The following GNAS variants were observed in gnomAD, a reference collection of about 807,000 sequenced individuals.
The protein encoded by GNAS is GNAS complex locus, also known as protein ALEX.
In GNAS, 8 loss-of-function variants were observed where a neutral mutation model predicts 54.5. The observed-to-expected ratio is 0.15, with a 90% CI of 0.09 to 0.26. The LOEUF (loss-of-function observed/expected upper bound fraction) is 0.26, where lower values mean the gene tolerates loss of function less well. GNAS is among the 10% of genes least tolerant of loss of function. The pLI is 1.00. For synonymous variants in GNAS, 204 were observed against 191.4 expected (o/e 1.07, Z -0.54); for missense variants, 170 against 529.8 (o/e 0.32, Z 6.67).
intron 1 of GNAS, among the ~76,000 whole-genome samples, chr20:58,851,153 G>A (rs925171039): frequency 1.3e-5 from 2 of 152,234 alleles, no homozygotes; most frequent in Non-Finnish European, 2.9e-5. Flanking sequence ...GACCCATAGA[G>A]CTAAAGCGAT....
intron 1 of GNAS, among the ~76,000 whole-genome samples, chr20:58,844,744 C>G (rs1311010114): frequency 1.3e-5 from 2 of 151,740 alleles, no homozygotes; most frequent in African/African-American, 4.8e-5. Flanking sequence ...AAAGCACCAG[C>G]TAGGTATCGC....
chr20:58,853,857 C>T lies in GNAS; in HGVS notation c.43+12971C>T. On this transcript the variant is annotated intron_variant, in intron 1 of 12. Transcript: ENST00000306090. The surrounding 1 kb of genome is among the most constrained non-coding windows in gnomAD (Gnocchi z 4.4). ...AGGTGCTGCAGGGGTCCCCGGAGCT[C>T]CTCCCGAGGAGCCCCAAGCCCTCAG... 6.3e-7 allele frequency: 1 copy of T among 1,594,452 alleles called. No homozygotes were observed. The highest frequency in any genetic ancestry group is 8.5e-7 in the Non-Finnish European group (1 of 1,171,162).
chr20:58,841,402 C>A lies in GNAS; in HGVS notation c.43+516C>A. ...GGAAAGTAATCTGAATGGGAATGGG[C>A]GAGAACTCTAGAGACTGACCACCCG... On this transcript the variant is annotated intron_variant, in intron 1 of 12. Coordinates refer to the GNAS transcript ENST00000306090. The surrounding 1 kb of genome is among the most constrained non-coding windows in gnomAD (Gnocchi z 5.0). 1 of 1,006,840 alleles carries A rather than the reference C, an allele frequency of 9.9e-7. No individual in the cohort carries two copies. The highest frequency in any genetic ancestry group is 1.7e-5 in the African/African-American group (1 of 57,712). 62.4% of individuals were successfully genotyped at this position (1,006,840 alleles called of 1,614,324 possible).
In GNAS at chr20:58,878,079, C is replaced by A. The variant is rs933077451; in HGVS notation, c.44-17533C>A. On this transcript the variant is annotated intron_variant, in intron 1 of 12. Transcript: ENST00000306090. ...CCTTGGTTTTAGGGCCCTTTCCTGGCATGCAACAGGAAGTGCAGGCTGTGT... is the reference window on the plus strand; with the variant it reads ...CCTTGGTTTTAGGGCCCTTTCCTGGAATGCAACAGGAAGTGCAGGCTGTGT... 5.3e-5 allele frequency among the ~76,000 whole-genome samples: 8 copies of A among 152,174 alleles called. 1 individual carries two copies. The East Asian group carries it at 1.5e-3, about 29-fold the overall frequency.
At position 58,863,336 on chromosome 20, in the gene GNAS, T is replaced by A. The variant is rs763635705; in HGVS notation, c.43+22450T>A. Among the ~76,000 whole-genome samples, 2 of 152,172 alleles carry A rather than the reference T, an allele frequency of 1.3e-5. No individual in the cohort carries two copies. The highest frequency in any genetic ancestry group is 2.9e-5 in the Non-Finnish European group (2 of 68,034). ...GCATTGCAGAGTAATTTGTTAAACC[T>A]CAGGAGTATTTAAATTCAGGAGTAT... On this transcript the variant is annotated intron_variant, in intron 1 of 12. Coordinates refer to the GNAS transcript ENST00000306090. The surrounding 1 kb of genome is among the most constrained non-coding windows in gnomAD (Gnocchi z 4.1).
At chr20:58,852,145 C>T (rs1375636899) in intron 1 of GNAS, among the ~76,000 whole-genome samples, 1 of 152,006 alleles carries the variant, frequency 6.6e-6, no homozygotes, top group African/African-American at 2.4e-5. Flanking sequence ...GGGCTTTGCT[C>T]TTGGTGGTAC....
chr20:58,867,952 G>A (rs2087157463), intron 1 of GNAS, among the ~76,000 whole-genome samples: 1 of 152,096 alleles, frequency 6.6e-6, no homozygotes, highest in African/African-American at 2.4e-5. Flanking sequence ...CAAAAGGCTT[G>A]CAGGCATCTC....
At chr20:58,874,697 T>C (rs2087689172) in intron 1 of GNAS, among the ~76,000 whole-genome samples, 1 of 152,172 alleles carries the variant, frequency 6.6e-6, no homozygotes, top group African/African-American at 2.4e-5. Flanking sequence ...CTATCTTTGC[T>C]CCTGGCCTGC....
chr20:58,891,029 G>C (rs1324156653), upstream of GNAS, among the ~76,000 whole-genome samples: 1 of 151,064 alleles, frequency 6.6e-6, no homozygotes, highest in Non-Finnish European at 1.5e-5. Context: ...GGGCGACGCG[G>C]TCCGGGGGGT....
chr20:58,889,538 G>A (rs543373091), upstream of GNAS: 576 of 165,782 alleles, frequency 3.5e-3, 2 homozygotes, highest in Non-Finnish European at 5.0e-3. Flanking sequence ...CCAAACCAAG[G>A]AGCGCCTGAG....
At chr20:58,896,790 G>T in intron 2 of GNAS, among the ~76,000 whole-genome samples, 1 of 152,048 alleles carries the variant, frequency 6.6e-6, no homozygotes. Context: ...ACTTGGATTC[G>T]ATTGAAAATT....
intron 1 of GNAS, among the ~76,000 whole-genome samples, chr20:58,846,130 G>A (rs1040943678): frequency 2.0e-5 from 3 of 152,140 alleles, no homozygotes; most frequent in Non-Finnish European, 4.4e-5. Context: ...GAAGATGTGG[G>A]TAGATAAGAG....
rs746238300 is a variant in GNAS, at chr20:58,863,431, T to C, written c.43+22545T>C. ...ACTAAATGTTTTTTAATGATTCAAT[T>C]TGGGGCGAGGAGAGAGGTATAAAGG... On this transcript the variant is annotated intron_variant, in intron 1 of 12. Coordinates refer to the GNAS transcript ENST00000306090. The surrounding 1 kb of genome is among the most constrained non-coding windows in gnomAD (Gnocchi z 4.1). 6.6e-6 allele frequency: 1 copy of C among 152,140 alleles called. No homozygotes were observed. Among genetic ancestry groups the C allele is most frequent in the Non-Finnish European group, 1.5e-5 (1 of 68,026 alleles). The allele number at this position is 152,140 out of a possible 1,614,324, so 9.4% of individuals were successfully genotyped here.
chr20:58,863,340 G>A lies in GNAS; in HGVS notation c.43+22454G>A, dbSNP rs991017316. Reference sequence around the variant, plus strand: ...TGCAGAGTAATTTGTTAAACCTCAGGAGTATTTAAATTCAGGAGTATTTTG... The same window carrying A: ...TGCAGAGTAATTTGTTAAACCTCAGAAGTATTTAAATTCAGGAGTATTTTG... On this transcript the variant is annotated intron_variant, in intron 1 of 12. Coordinates refer to the GNAS transcript ENST00000306090. The surrounding 1 kb of genome is among the most constrained non-coding windows in gnomAD (Gnocchi z 4.1). Among the ~76,000 whole-genome samples the A allele has an allele frequency of 6.6e-6, 1 of 152,132 alleles. No homozygotes were observed. The highest frequency in any genetic ancestry group is 1.5e-5 in the Non-Finnish European group (1 of 68,038).
chr20:58,897,989 C>CT (rs1373896034), intron 2 of GNAS: 1 of 152,204 alleles, frequency 6.6e-6, no homozygotes. Flanking sequence ...TGCCTTAACT[C>CT]TCTGCGGGCT....
intron 1 of GNAS, among the ~76,000 whole-genome samples, chr20:58,848,280 T>C (rs1003710703): frequency 3.9e-5 from 6 of 152,154 alleles, no homozygotes; most frequent in African/African-American, 1.4e-4. Flanking sequence ...TGACACATCA[T>C]CTCACTGCAG....
chr20:58,900,986 T>C (rs534068709), intron 3 of GNAS, among the ~76,000 whole-genome samples: 5 of 152,328 alleles, frequency 3.3e-5, no homozygotes, highest in East Asian at 1.9e-4. Context: ...TTTCCAATTA[T>C]CATACTACTG....
At chr20:58,871,381 G>C (rs148567123) in intron 1 of GNAS, among the ~76,000 whole-genome samples, 1 of 152,080 alleles carries the variant, frequency 6.6e-6, no homozygotes, top group Non-Finnish European at 1.5e-5. Flanking sequence ...TTGGGAGGCC[G>C]AGGTGGGCAG....
At chr20:58,840,731 G>A (rs2085683883), upstream of GNAS, 2 of 1,604,748 alleles carry the variant, frequency 1.2e-6, no homozygotes, top group Non-Finnish European at 1.7e-6. The surrounding 1 kb of genome is among the most constrained non-coding windows in gnomAD (Gnocchi z 6.0). Context: ...AGAGTCGAAG[G>A]AGCCCAAGGA....
Sources: gnomAD v4.1 joint callset for allele counts (sites outside exome capture counted in the v4.1 genomes callset) on GRCh38, gnomAD v4.1.1 for gene constraint, Gnocchi (gnomAD v3.1) non-coding constraint, MANE v1.5 for transcripts, NCBI Gene and HGNC (gene_info 2026-07-23, HGNC 2026-07-21) for gene names.